The following NIPSNAP3A variants were observed in gnomAD, a reference collection of about 807,000 sequenced individuals.
The protein encoded by NIPSNAP3A is nipsnap homolog 3A.
In NIPSNAP3A, 27 loss-of-function variants were observed where a neutral mutation model predicts 32.3. The ratio of observed to expected loss-of-function variants is 0.84; its 90% CI spans 0.62 to 1.15. NIPSNAP3A has a LOEUF of 1.15. Ranked by LOEUF, NIPSNAP3A falls within the 50% of genes most tolerant of loss-of-function variation. The pLI is 0.00. For missense variants in NIPSNAP3A, 278 were observed against 297.2 expected (o/e 0.94, Z 0.48); for synonymous variants, 108 against 107.3 (o/e 1.01, Z -0.04).
In NIPSNAP3A at chr9:104,759,195, A is replaced by G. The variant is rs201709834; in HGVS notation, c.667+24A>G. On this transcript the variant is annotated intron_variant, in intron 5 of 5. Coordinates refer to ENST00000374767, the MANE Select transcript of NIPSNAP3A (RefSeq NM_015469.3). Reference sequence around the variant, plus strand: ...TGGTAAGCTGTTTGACTAGGCATGAATTATTTTTAGAACAAATGTGTTTCA... The same window carrying G: ...TGGTAAGCTGTTTGACTAGGCATGAGTTATTTTTAGAACAAATGTGTTTCA... 2.5e-6 allele frequency: 4 copies of G among 1,613,912 alleles called. No homozygotes were observed. The East Asian group carries it at 8.9e-5, about 36-fold the overall frequency.
chr9:104,754,515 A>T (rs771001039), intron 3 of NIPSNAP3A, 36 bp from the exon 4 acceptor site: 1 of 1,602,112 alleles, frequency 6.2e-7, no homozygotes, highest in Non-Finnish European at 8.5e-7. Context: ...TATTGCTTGA[A>T]TGTTTTCTGA....
intron 1 of NIPSNAP3A, 146 bp downstream of exon 1, chr9:104,747,998 C>CCCCCGAACCCCAAGACAGGGGTA: frequency 1.5e-6 from 1 of 684,356 alleles, no homozygotes; most frequent in Non-Finnish European, 2.4e-6. Context: ...CTAGCGTGAG[C>CCCCCGAACCCCAAGACAGGGGTA]CCCGGAACCC....
At position 104,754,736 on chromosome 9, in the gene NIPSNAP3A, A is replaced by G. The variant is rs376256917; in HGVS notation, c.580+36A>G. On this transcript the variant is annotated intron_variant, in intron 4 of 5. Transcript: ENST00000374767. Reference sequence around the variant, plus strand: ...CCATTTCTTCTTATATGAAATTGTAATATATATTGTGACCTAAGTTCCTTG... The same window carrying G: ...CCATTTCTTCTTATATGAAATTGTAGTATATATTGTGACCTAAGTTCCTTG... 15 of 1,569,736 alleles carry G rather than the reference A, an allele frequency of 9.6e-6. No homozygotes were observed. The African/African-American group carries it at 1.5e-4, about 16-fold the overall frequency.
Position 104,751,012 on chromosome 9 carries a change from T to C in NIPSNAP3A, c.117T>C (p.Phe39=), listed in dbSNP as rs547992612. The change falls in exon 2 of 6, where the codon TTT becomes TTC. Residue 39 remains phenylalanine (F), a synonymous_variant. Coordinates refer to ENST00000374767, the MANE Select transcript of NIPSNAP3A (RefSeq NM_015469.3). ...AATACGATGGAATATTCTATGAATT[T>C]CGTTCTTATTACCTTAAGCCCTCAA... ...PRQYDGIFYE[F]RSYYLKPSKM... is the part of the protein sequence containing the mutation. 2 of 1,614,106 alleles carry C rather than the reference T, an allele frequency of 1.2e-6. No individual in the cohort carries two copies. Among genetic ancestry groups the C allele is most frequent in the African/African-American group, 1.3e-5 (1 of 75,056 alleles).
At chr9:104,751,774 C>G (rs1381293260) in intron 2 of NIPSNAP3A, among the ~76,000 whole-genome samples, 2 of 152,110 alleles carry the variant, frequency 1.3e-5, no homozygotes, top group African/African-American at 4.8e-5. Flanking sequence ...AATTCACTGT[C>G]ATACTACTCT....
At chr9:104,754,951 G>C (rs11788520) in intron 4 of NIPSNAP3A, among the ~76,000 whole-genome samples, 51,000 of 151,982 alleles carry the variant, frequency 0.34, 9,936 homozygotes, top group Non-Finnish European at 0.45. Context: ...TTAAACTGAA[G>C]GAACCTCGGC....
At chr9:104,755,083 T>G (rs560750299) in intron 4 of NIPSNAP3A, among the ~76,000 whole-genome samples, 1 of 151,844 alleles carries the variant, frequency 6.6e-6, no homozygotes, top group South Asian at 2.1e-4. Flanking sequence ...CTAGTAAAAA[T>G]AGAACAAATT....
chr9:104,747,830 C>T lies in NIPSNAP3A; in HGVS notation c.38C>T (p.Ala13Val). Residue 13 changes from alanine (A) to valine (V), a missense_variant, in exon 1 of 6, where the codon GCC becomes GTC. Ala to Val is a moderately conservative substitution (Grantham distance 64, BLOSUM62 0). Transcript: ENST00000374767. ...VLRSALTRAL[A>V]SRTLAPQMCS... is the part of the protein sequence containing the mutation. The stretch of plus-strand genomic sequence containing the variant: ...AGAAGCGCCCTGACTCGGGCGCTGG[C>T]CTCACGGACGCTGGCGCCTCAGGTA... 1 of 1,608,774 alleles carries T rather than the reference C, an allele frequency of 6.2e-7. No homozygotes were observed. Among genetic ancestry groups the T allele is most frequent in the Non-Finnish European group, 8.5e-7 (1 of 1,178,980 alleles).
chr9:104,758,670 A>G (rs956783300), intron 4 of NIPSNAP3A, among the ~76,000 whole-genome samples: 3 of 152,086 alleles, frequency 2.0e-5, no homozygotes, highest in African/African-American at 7.2e-5. Flanking sequence ...AAAGAATAGG[A>G]TGGTTTTGGC....
chr9:104,747,850 C>T lies in NIPSNAP3A; in HGVS notation c.58C>T (p.Gln20Ter), dbSNP rs1827793753. 1 of 1,607,768 alleles carries T rather than the reference C, an allele frequency of 6.2e-7. No homozygotes were observed. The highest frequency in any genetic ancestry group is 8.5e-7 in the Non-Finnish European group (1 of 1,178,640). ...GCTGGCCTCACGGACGCTGGCGCCT[C>T]AGGTACCGGCCACGGGGGTACCCAA... Reference protein sequence around the residue: ...RALASRTLAPQMCSSFATGPR... With the variant: ...RALASRTLAP Residue 20 changes from glutamine to a stop codon, truncating the protein, a stop_gained and splice_region_variant, in exon 1 of 6, where the codon CAG becomes TAG. Coordinates refer to ENST00000374767, the MANE Select transcript of NIPSNAP3A (RefSeq NM_015469.3). LOFTEE classifies it high-confidence loss of function.
chr9:104,752,675 C>CT (rs1483696999), intron 2 of NIPSNAP3A, among the ~76,000 whole-genome samples: 2 of 152,140 alleles, frequency 1.3e-5, no homozygotes, highest in Non-Finnish European at 2.9e-5. Flanking sequence ...ATGGTTGAGC[C>CT]TATAAAGCCT....
intron 3 of NIPSNAP3A, chr9:104,753,537 C>T (rs905523152): frequency 6.4e-6 from 1 of 155,060 alleles, no homozygotes; most frequent in African/African-American, 2.4e-5. Context: ...AACTGCCAAG[C>T]TATATTACTT....
chr9:104,758,776 A>G, intron 4 of NIPSNAP3A, among the ~76,000 whole-genome samples: 1 of 151,060 alleles, frequency 6.6e-6, no homozygotes, highest in Non-Finnish European at 1.5e-5. Context: ...CCTGCCCAAC[A>G]TGGCAAAACC....
intron 4 of NIPSNAP3A, among the ~76,000 whole-genome samples, chr9:104,757,456 T>C (rs1219741712): frequency 6.6e-6 from 1 of 152,196 alleles, no homozygotes; most frequent in African/African-American, 2.4e-5. Context: ...GGACCTAGAT[T>C]ATTATGAGGA....
Position 104,759,475 on chromosome 9 carries a change from A to AGG in NIPSNAP3A, c.*138_*139dup. The AGG allele has an allele frequency of 1.2e-6, 1 of 807,462 alleles. No individual in the cohort carries two copies. Among genetic ancestry groups the AGG allele is most frequent in the Admixed American group, 2.2e-5 (1 of 45,302 alleles). The allele number at this position is 807,462 out of a possible 1,614,324, so 50.0% of individuals were successfully genotyped here. A position where few individuals can be genotyped will look rare whatever the true frequency, so the allele number is the denominator to read the frequency against. On this transcript the variant is annotated 3_prime_UTR_variant, in exon 6 of 6. Transcript: ENST00000374767. ...ATTTGCTATGTTTCTTGCATTATGAAGGCTACATCTGTGCTTTGTAAGTAC... is the reference window on the plus strand; with the variant it reads ...ATTTGCTATGTTTCTTGCATTATGAAGGGGCTACATCTGTGCTTTGTAAGTAC...
chr9:104,749,916 T>G (rs1469329151), intron 1 of NIPSNAP3A, among the ~76,000 whole-genome samples: 1 of 152,176 alleles, frequency 6.6e-6, no homozygotes, highest in Non-Finnish European at 1.5e-5. Flanking sequence ...AAATTTTGAC[T>G]CTGAATTTTC....
chr9:104,759,222 T>G, intron 5 of NIPSNAP3A, 40 bp from the exon 6 acceptor site: 2 of 1,614,054 alleles, frequency 1.2e-6, no homozygotes, highest in Non-Finnish European at 1.7e-6. Flanking sequence ...TGTGTTTCAG[T>G]CAGTAACTCT....
In NIPSNAP3A at chr9:104,759,187, A is replaced by C; in HGVS notation, c.667+16A>C. 1 of 1,613,826 alleles carries C rather than the reference A, an allele frequency of 6.2e-7. No homozygotes were observed. Among genetic ancestry groups the C allele is most frequent in the Admixed American group, 1.7e-5 (1 of 59,998 alleles). ...GTGGCAGCTGGTAAGCTGTTTGACT[A>C]GGCATGAATTATTTTTAGAACAAAT... On this transcript the variant is annotated intron_variant, in intron 5 of 5. Transcript: ENST00000374767.
chr9:104,749,844 G>A (rs1377646593), intron 1 of NIPSNAP3A, among the ~76,000 whole-genome samples: 1 of 152,198 alleles, frequency 6.6e-6, no homozygotes, highest in Non-Finnish European at 1.5e-5. Context: ...TTTCATCAAT[G>A]TGGTATAAGT....
Sources: allele counts gnomAD v4.1 joint callset (sites outside exome capture counted in the v4.1 genomes callset), GRCh38; gene constraint gnomAD v4.1.1; transcripts MANE v1.5; gene names NCBI Gene and HGNC (gene_info 2026-07-23, HGNC 2026-07-21).